The following CAPRIN2 variants were observed in gnomAD, a reference collection of about 807,000 sequenced individuals.
The protein encoded by CAPRIN2 is caprin-2.
Under a neutral mutation model 130.4 loss-of-function variants are expected in CAPRIN2, and 66 were observed. The ratio of observed to expected loss-of-function variants is 0.51; its 90% CI spans 0.42 to 0.62. The LOEUF (loss-of-function observed/expected upper bound fraction) is 0.62, where lower values mean the gene tolerates loss of function less well. Among genes scored for constraint, CAPRIN2 ranks in the 20% least tolerant of loss-of-function variants. CAPRIN2 has a pLI of 0.00. For synonymous variants in CAPRIN2, 471 were observed against 444.1 expected, an observed-to-expected ratio of 1.06 and a Z score of -0.76; for missense variants, 1,185 against 1,246.6, an observed-to-expected ratio of 0.95 and a Z score of 0.74.
At chr12:30,743,064 A>T (rs990553721) in intron 2 of CAPRIN2, among the ~76,000 whole-genome samples, 4 of 151,892 alleles carry the variant, frequency 2.6e-5, no homozygotes, top group Non-Finnish European at 5.9e-5. Flanking sequence ...TCCATCATCT[A>T]ATGTAGACCT....
intron 3 of CAPRIN2, 93 bp from the exon 5 acceptor site, chr12:30,735,299 AT>A: frequency 1.1e-6 from 1 of 913,426 alleles, no homozygotes; most frequent in Non-Finnish European, 1.8e-6. Flanking sequence ...AATAGCTGAG[AT>A]TAGATGATAA....
chr12:30,719,000 A>G, intron 12 of CAPRIN2, 79 bp downstream of exon 14: 4 of 1,477,928 alleles, frequency 2.7e-6, no homozygotes, highest in Non-Finnish European at 3.7e-6. Context: ...TTCACATAGT[A>G]TCCAATAATT....
Position 30,728,153 on chromosome 12 carries a change from ATTAGAC to A in CAPRIN2, c.1782+489_1782+494del, listed in dbSNP as rs1268077514. Among the ~76,000 whole-genome samples the A allele has an allele frequency of 3.3e-5, 5 of 152,216 alleles. No individual in the cohort carries two copies. In the East Asian group the frequency reaches 5.8e-4, roughly 18 times the overall value. On this transcript the variant is annotated intron_variant, in intron 8 of 16. Transcript: ENST00000298892. ...TATAATTGCAGAAATTTCATCTCAG[ATTAGAC>A]TTAAAGACAGACTAGATTAACTCCC...
chr12:30,717,867 A>G (rs2058157554), intron 12 of CAPRIN2, among the ~76,000 whole-genome samples: 1 of 152,186 alleles, frequency 6.6e-6, no homozygotes, highest in Admixed American at 6.5e-5. Context: ...AGCACCTGAT[A>G]TACAGGTATT....
rs558704400 is a variant in CAPRIN2 at position 30,735,612 on chromosome 12, T to C, written c.571-406A>G. ...AGGGGAAAAAATATTTAAACTAAAA[T>C]GGTCAGTTTTAATGAACCAAAGAAG... On this transcript the variant is annotated intron_variant, in intron 3 of 16. Coordinates refer to ENST00000298892, the Ensembl canonical transcript of CAPRIN2. 9.8e-5 allele frequency among the ~76,000 whole-genome samples: 15 copies of C among 152,286 alleles called. No homozygotes were observed. In the South Asian group the frequency reaches 2.9e-3, roughly 29 times the overall value.
intron 3 of CAPRIN2, among the ~76,000 whole-genome samples, chr12:30,735,930 C>G (rs1300501158): frequency 6.6e-6 from 1 of 151,988 alleles, no homozygotes; most frequent in Non-Finnish European, 1.5e-5. Context: ...CACTTGACCC[C>G]AGGAATTCAA....
Position 30,718,994 on chromosome 12 carries a change from C to A in CAPRIN2, c.2148+1817G>T. 4.9e-6 allele frequency: 7 copies of A among 1,440,716 alleles called. 1 individual carries two copies. In the Admixed American group the frequency reaches 8.3e-5, roughly 17 times the overall value. 89.2% of individuals were successfully genotyped at this position (1,440,716 alleles called of 1,614,324 possible). ...AATTTTACAAAAGGCAAACTTTTCA[C>A]ATAGTATCCAATAATTATGTAAGAG... is the stretch of plus-strand genomic sequence containing the variant. On this transcript the variant is annotated intron_variant, in intron 12 of 16. Transcript: ENST00000298892.
intron 15 of CAPRIN2, among the ~76,000 whole-genome samples, chr12:30,712,737 T>TTG (rs1193893935): frequency 4.9e-5 from 3 of 61,256 alleles, no homozygotes; most frequent in Non-Finnish European, 1.1e-4. Context: ...TCCACTCTTT[T>TTG]TTTTTTTTTT....
intron 3 of CAPRIN2, among the ~76,000 whole-genome samples, chr12:30,736,813 G>A (rs2065044914): frequency 6.6e-6 from 1 of 152,088 alleles, no homozygotes; most frequent in Non-Finnish European, 1.5e-5. Flanking sequence ...AGAGGACGGA[G>A]GTGGCACTCC....
Position 30,724,456 on chromosome 12 carries a change from A to G in CAPRIN2, c.1906-5T>C, listed in dbSNP as rs1186294687. 1 of 1,591,290 alleles carries G rather than the reference A, an allele frequency of 6.3e-7. No individual in the cohort carries two copies. The highest frequency in any genetic ancestry group is 1.7e-5 in the Admixed American group (1 of 59,920). ...GTCAAAGTCAAGAACAGACTCCTAA[A>G]GATATGATTTTAAATAAAGAGTGGA... On this transcript the variant is annotated splice_region_variant and splice_polypyrimidine_tract_variant and intron_variant, in intron 9 of 16. Coordinates refer to ENST00000298892, the Ensembl canonical transcript of CAPRIN2.
chr12:30,716,924 CAAA>C (rs1382616713), intron 12 of CAPRIN2, among the ~76,000 whole-genome samples: 2 of 152,148 alleles, frequency 1.3e-5, no homozygotes, highest in African/African-American at 4.8e-5. Flanking sequence ...GGGCTATTAT[CAAA>C]AAGACAGAAA....
At position 30,720,921 on chromosome 12, in the gene CAPRIN2, C is replaced by T. The variant is rs376694164; in HGVS notation, c.2044-6G>A. ...GTAACTGGAGAAGAAGTAGCCTAGA[C>T]ACAGGAAAATACAAAATATTGTAAA... is the stretch of plus-strand genomic sequence containing the variant. On this transcript the variant is annotated splice_polypyrimidine_tract_variant and splice_region_variant and intron_variant, in intron 11 of 16. Coordinates refer to ENST00000298892, the Ensembl canonical transcript of CAPRIN2. 180 of 1,593,768 alleles carry T rather than the reference C, an allele frequency of 1.1e-4. No individual in the cohort carries two copies. The highest frequency in any genetic ancestry group is 1.5e-4 in the Non-Finnish European group (177 of 1,161,804).
intron 3 of CAPRIN2, among the ~76,000 whole-genome samples, chr12:30,740,591 AT>A (rs2067006665): frequency 6.6e-6 from 1 of 152,126 alleles, no homozygotes; most frequent in African/African-American, 2.4e-5. Flanking sequence ...CCCATCAATA[AT>A]TTTCATGCTT....
chr12:30,733,543 C>A, intron 5 of CAPRIN2, 86 bp downstream of exon 6: 1 of 860,954 alleles, frequency 1.2e-6, no homozygotes. Context: ...GATGGACTAA[C>A]ACAGTTTAGA....
intron 3 of CAPRIN2, among the ~76,000 whole-genome samples, chr12:30,740,634 T>C (rs1162307301): frequency 6.6e-6 from 1 of 152,226 alleles, no homozygotes; most frequent in Non-Finnish European, 1.5e-5. Context: ...TTGTCTCATA[T>C]GTTAAATAAT....
At chr12:30,716,341 C>T (rs1296434611) in intron 13 of CAPRIN2, 167 bp downstream of exon 15, 1 of 585,430 alleles carries the variant, frequency 1.7e-6, no homozygotes, top group African/African-American at 2.0e-5. Flanking sequence ...AAACTTAACA[C>T]AAAAAAGGGC....
At chr12:30,714,907 T>C (rs2056914103) in intron 14 of CAPRIN2, 52 bp downstream of exon 16, 1 of 1,475,872 alleles carries the variant, frequency 6.8e-7, no homozygotes, top group Non-Finnish European at 9.4e-7. Flanking sequence ...GTGAGTCAAG[T>C]AAACACACAG....
intron 12 of CAPRIN2, chr12:30,720,324 T>G (rs1358507231): frequency 6.5e-6 from 1 of 153,862 alleles, no homozygotes; most frequent in Admixed American, 6.4e-5. Flanking sequence ...CCTCAAGTGA[T>G]CCACCTGCCT....
rs927423384 is a variant in CAPRIN2 at position 30,743,216 on chromosome 12, A to G, written c.484-2110T>C. On this transcript the variant is annotated intron_variant, in intron 2 of 16. Transcript: ENST00000298892. ...TAGGATTCCGTCTTTGATGTCTTCTAACAAAGAGCTGCTCCCTCTCTATTG... is the reference window on the plus strand; with the variant it reads ...TAGGATTCCGTCTTTGATGTCTTCTGACAAAGAGCTGCTCCCTCTCTATTG... Among the ~76,000 whole-genome samples, 5 of 143,332 alleles carry G rather than the reference A, an allele frequency of 3.5e-5. No homozygotes were observed. In the Admixed American group the frequency reaches 3.9e-4, roughly 11 times the overall value. 94.0% of individuals were successfully genotyped at this position (143,332 alleles called of 152,430 possible).
Sources: allele counts gnomAD v4.1 joint callset (sites outside exome capture counted in the v4.1 genomes callset), GRCh38; gene constraint gnomAD v4.1.1; transcripts MANE v1.5; gene names NCBI Gene and HGNC (gene_info 2026-07-23, HGNC 2026-07-21).